Variants in WWOX observed in about 807,000 individuals in gnomAD.
WWOX encodes WW domain containing oxidoreductase.
A neutral mutation model predicts 46.2 loss-of-function variants in WWOX; 69 were observed. The ratio of observed to expected loss-of-function variants is 1.49; its 90% confidence interval spans 1.23 to 1.82. The LOEUF is 1.82. WWOX is among the 40% of genes most tolerant of loss of function. The pLI is 0.00. For synonymous variants in WWOX, 359 were observed against 202.6 expected (o/e 1.77, Z -6.56); for missense variants, 919 against 542.6 (o/e 1.69, Z -6.89).
chr16:78,961,337 C>T lies in WWOX; in HGVS notation c.1057-250271C>T, dbSNP rs1037168651. Reference sequence around the variant, plus strand: ...TAAATTGATGTAGTTCTCTGTAAAACTAGTTGGTGTAAGGAAACTTGGTCT... The same window carrying T: ...TAAATTGATGTAGTTCTCTGTAAAATTAGTTGGTGTAAGGAAACTTGGTCT... On this transcript the variant is annotated intron_variant, in intron 8 of 8. Transcript: ENST00000566780. Among the ~76,000 whole-genome samples, 37 of 152,304 alleles carry T rather than the reference C, an allele frequency of 2.4e-4. 1 individual carries two copies. Among genetic ancestry groups the T allele is most frequent in the Admixed American group, 2.0e-3 (30 of 15,302 alleles).
chr16:78,334,803 C>T (rs993110745), intron 5 of WWOX, among the ~76,000 whole-genome samples: 5 of 47,732 alleles, frequency 1.0e-4, no homozygotes, highest in African/African-American at 3.0e-4. Context: ...CACACACACA[C>T]ACACGCACAC....
chr16:78,659,773 T>G (rs565139502), intron 8 of WWOX, among the ~76,000 whole-genome samples: 89 of 152,318 alleles, frequency 5.8e-4, no homozygotes, highest in African/African-American at 2.0e-3. Context: ...AAGTGTCATG[T>G]CAAAGATAAA....
chr16:78,508,921 C>T (rs2085286498), intron 8 of WWOX, among the ~76,000 whole-genome samples: 1 of 152,230 alleles, frequency 6.6e-6, no homozygotes, highest in Non-Finnish European at 1.5e-5. Flanking sequence ...GTTACATCTG[C>T]ATCATGTATT....
At chr16:78,668,457 A>G (rs1487882647) in intron 8 of WWOX, among the ~76,000 whole-genome samples, 1 of 152,192 alleles carries the variant, frequency 6.6e-6, no homozygotes, top group Non-Finnish European at 1.5e-5. Flanking sequence ...TCCTTTGTAT[A>G]TCCACTCATC....
intron 5 of WWOX, among the ~76,000 whole-genome samples, chr16:78,313,821 C>G (rs2080298653): frequency 6.6e-6 from 1 of 152,152 alleles, no homozygotes; most frequent in Admixed American, 6.5e-5. Flanking sequence ...GCCTTTGATC[C>G]TTCCTGTTTA....
intron 8 of WWOX, chr16:78,994,249 G>A (rs139484196): frequency 6.6e-6 from 1 of 152,054 alleles, no homozygotes; most frequent in African/African-American, 2.4e-5. Flanking sequence ...GCGTGCTGAA[G>A]GGTGGCATTG....
intron 8 of WWOX, among the ~76,000 whole-genome samples, chr16:78,553,726 C>T (rs553212137): frequency 6.6e-6 from 1 of 151,970 alleles, no homozygotes; most frequent in African/African-American, 2.4e-5. Context: ...GGGAGGAGGC[C>T]TGGGAGAGAC....
chr16:78,332,230 G>C (rs2080775434), intron 5 of WWOX, among the ~76,000 whole-genome samples: 1 of 152,274 alleles, frequency 6.6e-6, no homozygotes, highest in African/African-American at 2.4e-5. Flanking sequence ...CTTGCCTAAA[G>C]AGACAGAATC....
intron 8 of WWOX, among the ~76,000 whole-genome samples, chr16:78,738,659 C>T (rs74029949): frequency 0.024 from 3,637 of 152,184 alleles, 128 homozygotes; most frequent in African/African-American, 0.083. Context: ...TCCTCATTTC[C>T]TTGATCGCAT....
chr16:78,241,767 T>G (rs953546791), intron 5 of WWOX, among the ~76,000 whole-genome samples: 4 of 152,220 alleles, frequency 2.6e-5, no homozygotes, highest in East Asian at 3.9e-4. Flanking sequence ...TATTGATGAT[T>G]ATTATGACAT....
chr16:78,866,438 AT>A lies in WWOX; in HGVS notation c.1057-345160del, dbSNP rs34191638. Among the ~76,000 whole-genome samples the A allele has an allele frequency of 1.6e-3, 241 of 150,214 alleles. 13 individuals are homozygous for A. The South Asian group carries it at 0.046, about 29-fold the overall frequency. ...GAGACTGATCAAGACATCCCGTGCT[AT>A]TTTTTTTTTCTTGCATATCAGCTGT... On this transcript the variant is annotated intron_variant, in intron 8 of 8. Transcript: ENST00000566780.
At chr16:79,009,239 A>G (rs1309374444) in intron 8 of WWOX, among the ~76,000 whole-genome samples, 2 of 152,158 alleles carry the variant, frequency 1.3e-5, no homozygotes, top group Non-Finnish European at 2.9e-5. Context: ...GAGTGTTACA[A>G]ACGGTTTGGG....
intron 4 of WWOX, among the ~76,000 whole-genome samples, chr16:78,121,471 A>G (rs1158965800): frequency 1.3e-5 from 2 of 152,204 alleles, no homozygotes; most frequent in South Asian, 2.1e-4. Context: ...GTACATGGAA[A>G]TCACGTGATC....
chr16:78,823,313 T>A (rs2051556259), intron 8 of WWOX, among the ~76,000 whole-genome samples: 1 of 151,864 alleles, frequency 6.6e-6, no homozygotes, highest in African/African-American at 2.4e-5. Context: ...AAGAGAGGAG[T>A]TGATGATCAC....
At chr16:78,176,078 T>C (rs553253418) in intron 5 of WWOX, among the ~76,000 whole-genome samples, 10 of 152,278 alleles carry the variant, frequency 6.6e-5, no homozygotes, top group African/African-American at 2.4e-4. Context: ...TCTGCACACC[T>C]CTTAATTAGT....
At chr16:78,256,472 A>T (rs1242514281) in intron 5 of WWOX, among the ~76,000 whole-genome samples, 1 of 152,014 alleles carries the variant, frequency 6.6e-6, no homozygotes, top group African/African-American at 2.4e-5. Context: ...TGGGTAGCTC[A>T]GTCCAGGAGA....
chr16:78,378,128 G>GC (rs1048176816), intron 5 of WWOX, among the ~76,000 whole-genome samples: 25 of 150,708 alleles, frequency 1.7e-4, no homozygotes, highest in African/African-American at 5.1e-4. Flanking sequence ...CCTGCCCCCT[G>GC]CCTAAAAAAA....
rs1597189444 is a variant in WWOX, at chr16:78,099,756, GC to G, written c.-21del. 2 of 1,529,016 alleles carry G rather than the reference GC, an allele frequency of 1.3e-6. No individual in the cohort carries two copies. The highest frequency in any genetic ancestry group is 2.8e-5 in the African/African-American group (2 of 71,370). The allele number at this position is 1,529,016 out of a possible 1,614,324, so 94.7% of individuals were successfully genotyped here. On this transcript the variant is annotated 5_prime_UTR_variant, in exon 1 of 9. Coordinates refer to ENST00000566780, the MANE Select transcript of WWOX (RefSeq NM_016373.4). ...GGACCCGGCAGCGGGCGATAGGGGG[GC>G]CAGGTGCCTCCACAGTCAGCCATGG... is the stretch of plus-strand genomic sequence containing the variant.
chr16:78,978,057 C>T (rs1462495076), intron 8 of WWOX, among the ~76,000 whole-genome samples: 1 of 152,224 alleles, frequency 6.6e-6, no homozygotes, highest in Non-Finnish European at 1.5e-5. Flanking sequence ...CTCTTCCCTA[C>T]CATTCTACCT....
Sources: allele counts gnomAD v4.1 joint callset (sites outside exome capture counted in the v4.1 genomes callset), GRCh38; gene constraint gnomAD v4.1.1; transcripts MANE v1.5; gene names NCBI Gene and HGNC (gene_info 2026-07-23, HGNC 2026-07-21).